The following TNKS2 variants were observed in gnomAD, a reference collection of about 807,000 sequenced individuals.
TNKS2 encodes poly [ADP-ribose] polymerase tankyrase-2.
In TNKS2, 72 loss-of-function variants were observed where a neutral mutation model predicts 137.6. The ratio of observed to expected loss-of-function variants is 0.52; its 90% confidence interval spans 0.43 to 0.64. The LOEUF (loss-of-function observed/expected upper bound fraction) is 0.64. Among genes scored for constraint, TNKS2 ranks in the 30% least tolerant of loss-of-function variants. TNKS2 has a pLI of 0.00. For missense variants in TNKS2, 1,049 were observed against 1,410.2 expected, an observed-to-expected ratio of 0.74 and a Z score of 4.10; for synonymous variants, 516 against 512.1, an observed-to-expected ratio of 1.01 and a Z score of -0.10.
intron 16 of TNKS2, among the ~76,000 whole-genome samples, chr10:91,842,851 C>A (rs1227806560): frequency 1.3e-5 from 2 of 152,114 alleles, no homozygotes; most frequent in Non-Finnish European, 2.9e-5. Context: ...ACAGGACGAC[C>A]GTACTTGAAG....
chr10:91,825,436 G>A (rs938781721), intron 7 of TNKS2, among the ~76,000 whole-genome samples: 2 of 152,120 alleles, frequency 1.3e-5, no homozygotes, highest in African/African-American at 2.4e-5. Flanking sequence ...TTAAACTAAA[G>A]TATATTTAGT....
intron 21 of TNKS2, among the ~76,000 whole-genome samples, chr10:91,853,492 C>T (rs955100438): frequency 1.3e-5 from 2 of 152,184 alleles, no homozygotes; most frequent in African/African-American, 4.8e-5. Context: ...GGATTCTGTA[C>T]TTACACCTGA....
At chr10:91,811,694 A>G (rs981468432) in intron 1 of TNKS2, among the ~76,000 whole-genome samples, 1 of 152,122 alleles carries the variant, frequency 6.6e-6, no homozygotes, top group Non-Finnish European at 1.5e-5. Context: ...GAAAGACTGT[A>G]CCATTACTTT....
Position 91,833,653 on chromosome 10 carries a change from T to G in TNKS2, c.1276-200T>G, listed in dbSNP as rs530983253. 5.4e-4 allele frequency among the ~76,000 whole-genome samples: 82 copies of G among 152,332 alleles called. 1 individual carries two copies. In the South Asian group the frequency reaches 0.017, roughly 31 times the overall value. ...CAGCATCTCGCATTTAACCCAAAAT[T>G]GAGTCTTCCTTCTGATGGTAGCCTT... is the stretch of plus-strand genomic sequence containing the variant. On this transcript the variant is annotated intron_variant, in intron 11 of 26. Transcript: ENST00000371627.
At chr10:91,822,630 A>G (rs1032437435) in intron 7 of TNKS2, among the ~76,000 whole-genome samples, 2 of 151,062 alleles carry the variant, frequency 1.3e-5, no homozygotes, top group Admixed American at 6.6e-5. Context: ...CAGTGGTGCA[A>G]TCTTGGCTCA....
intron 7 of TNKS2, among the ~76,000 whole-genome samples, chr10:91,824,940 T>TATAATGTGACAA (rs1485678440): frequency 6.6e-6 from 1 of 152,172 alleles, no homozygotes; most frequent in Non-Finnish European, 1.5e-5. Context: ...AAGTATAAAT[T>TATAATGTGACAA]ATAATGTGAC....
intron 7 of TNKS2, among the ~76,000 whole-genome samples, chr10:91,823,608 G>A (rs536377147): frequency 2.0e-5 from 3 of 152,002 alleles, no homozygotes; most frequent in African/African-American, 2.4e-5. Context: ...ATTAACAGAC[G>A]TGAGCCACCA....
At chr10:91,810,282 G>A (rs1194645923) in intron 1 of TNKS2, among the ~76,000 whole-genome samples, 4 of 151,884 alleles carry the variant, frequency 2.6e-5, no homozygotes, top group Non-Finnish European at 4.4e-5. Context: ...GGAAGCTAAG[G>A]CAGGAGAATC....
Position 91,836,074 on chromosome 10 carries a change from C to G in TNKS2, c.1448-845C>G, listed in dbSNP as rs569134278. On this transcript the variant is annotated intron_variant, in intron 12 of 26. Transcript: ENST00000371627. ...TTTTTTTTTTTGAGACGAAGTTTCACTCTTGTTGCCCAGGCTAGGGTGCAA... is the reference window on the plus strand; with the variant it reads ...TTTTTTTTTTTGAGACGAAGTTTCAGTCTTGTTGCCCAGGCTAGGGTGCAA... 4.2e-3 allele frequency among the ~76,000 whole-genome samples: 457 copies of G among 109,122 alleles called. 5 individuals are homozygous for G. Among genetic ancestry groups the G allele is most frequent in the African/African-American group, 0.016 (436 of 27,824 alleles). 71.6% of individuals were successfully genotyped at this position (109,122 alleles called of 152,430 possible). A position where few individuals can be genotyped will look rare whatever the true frequency, so the allele number is the denominator to read the frequency against.
At chr10:91,847,936 T>A (rs977477926) in intron 18 of TNKS2, among the ~76,000 whole-genome samples, 1 of 152,222 alleles carries the variant, frequency 6.6e-6, no homozygotes, top group African/African-American at 2.4e-5. Context: ...TTAAATTATA[T>A]TTTGACAATA....
intron 6 of TNKS2, among the ~76,000 whole-genome samples, chr10:91,821,829 A>G (rs2133616444): frequency 6.6e-6 from 1 of 152,356 alleles, no homozygotes; most frequent in Non-Finnish European, 1.5e-5. Context: ...TAAGTTTAAT[A>G]TACCATTATT....
intron 24 of TNKS2, 28 bp from the exon 25 acceptor site, chr10:91,859,434 T>G (rs1241536121): frequency 7.1e-7 from 1 of 1,415,652 alleles, no homozygotes; most frequent in Non-Finnish European, 9.3e-7. Flanking sequence ...AATTTTAAAT[T>G]ATTGTTACCC....
chr10:91,854,959 G>A (rs1842659589), intron 21 of TNKS2, 70 bp from the exon 22 acceptor site: 1 of 804,608 alleles, frequency 1.2e-6, no homozygotes, highest in South Asian at 1.7e-5. Context: ...AAATTAGGTG[G>A]TTATTTTTGG....
intron 18 of TNKS2, among the ~76,000 whole-genome samples, chr10:91,846,784 TTCAGGGAAATATCTTTC>T (rs1314032048): frequency 2.0e-5 from 3 of 151,650 alleles, no homozygotes; most frequent in African/African-American, 7.3e-5. Context: ...ACATTATCTC[TTCAGGGAAATATCTTTC>T]TAGTTCCAAG....
At chr10:91,819,601 AT>A in intron 5 of TNKS2, 44 bp downstream of exon 5, 2 of 1,381,108 alleles carry the variant, frequency 1.4e-6, no homozygotes, top group Non-Finnish European at 2.0e-6. Context: ...TCCTGGTAAC[AT>A]GAAGATAAAG....
intron 11 of TNKS2, 55 bp downstream of exon 11, chr10:91,831,236 C>A: frequency 1.4e-6 from 2 of 1,457,016 alleles, no homozygotes; most frequent in Non-Finnish European, 1.9e-6. Context: ...TTTTATTTAG[C>A]AGGTGAAATG....
intron 18 of TNKS2, among the ~76,000 whole-genome samples, 191 bp from the exon 19 acceptor site, chr10:91,848,192 A>G (rs1232041495): frequency 6.6e-6 from 1 of 152,216 alleles, no homozygotes; most frequent in Non-Finnish European, 1.5e-5. Flanking sequence ...TCAACATTTT[A>G]AAATTTTCAG....
At position 91,798,462 on chromosome 10, in the gene TNKS2, C is replaced by G. The variant is rs1430361512; in HGVS notation, c.-229C>G. On this transcript the variant is annotated 5_prime_UTR_variant, in exon 1 of 27. Coordinates refer to ENST00000371627, the MANE Select transcript of TNKS2 (RefSeq NM_025235.4). ...CCGCGTCGTTTCAGGACCCGGACGG[C>G]GGATTCGCGCTGCCTCCGCCGCCGC... The G allele has an allele frequency of 5.9e-6, 2 of 338,948 alleles. No homozygotes were observed. Among genetic ancestry groups the G allele is most frequent in the African/African-American group, 2.2e-5 (1 of 46,122 alleles). The allele number at this position is 338,948 out of a possible 1,614,324, so 21.0% of individuals were successfully genotyped here.
At chr10:91,831,516 C>T (rs1300501983) in intron 11 of TNKS2, among the ~76,000 whole-genome samples, 1 of 152,142 alleles carries the variant, frequency 6.6e-6, no homozygotes, top group Non-Finnish European at 1.5e-5. Flanking sequence ...TCTTGGTTGT[C>T]ATGATAACTT....
Sources: allele counts gnomAD v4.1 joint callset (sites outside exome capture counted in the v4.1 genomes callset), GRCh38; gene constraint gnomAD v4.1.1; transcripts MANE v1.5; gene names NCBI Gene and HGNC (gene_info 2026-07-23, HGNC 2026-07-21).